Variants in IFT57 observed in about 807,000 individuals in gnomAD.
The protein encoded by IFT57 is intraflagellar transport 57.
In IFT57, 59 loss-of-function variants were observed where a neutral mutation model predicts 56.8. The observed-to-expected ratio is 1.04, with a 90% confidence interval of 0.84 to 1.29. IFT57 has a LOEUF of 1.29. Among genes scored for constraint, IFT57 ranks in the 50% most tolerant of loss-of-function variants. The pLI is 0.00. For missense variants in IFT57, 470 were observed against 522.1 expected, an observed-to-expected ratio of 0.90 and a Z score of 0.97; for synonymous variants, 209 against 186.1, an observed-to-expected ratio of 1.12 and a Z score of -1.00.
intron 6 of IFT57, among the ~76,000 whole-genome samples, chr3:108,191,076 C>T (rs552702256): frequency 6.6e-6 from 1 of 152,184 alleles, no homozygotes; most frequent in South Asian, 2.1e-4. Flanking sequence ...CAAACGTGAG[C>T]CATGGCGCCT....
chr3:108,165,798 G>A (rs2080059278), intron 8 of IFT57, among the ~76,000 whole-genome samples: 2 of 151,964 alleles, frequency 1.3e-5, no homozygotes, highest in Non-Finnish European at 2.9e-5. Context: ...TTTAGGAGAG[G>A]GGCTCTTGGT....
intron 6 of IFT57, among the ~76,000 whole-genome samples, chr3:108,173,268 CAA>C (rs199543839): frequency 1.3e-5 from 2 of 151,802 alleles, no homozygotes; most frequent in South Asian, 4.2e-4. Flanking sequence ...CACACACACA[CAA>C]AGACACTGTA....
intron 1 of IFT57, among the ~76,000 whole-genome samples, chr3:108,221,287 A>G (rs57823884): frequency 0.089 from 13,506 of 152,276 alleles, 662 homozygotes; most frequent in Middle Eastern, 0.12. Flanking sequence ...TAAAATATAC[A>G]AATGTAAGTA....
intron 6 of IFT57, among the ~76,000 whole-genome samples, chr3:108,168,645 A>C (rs2080075618): frequency 6.6e-6 from 1 of 151,566 alleles, no homozygotes; most frequent in African/African-American, 2.4e-5. Context: ...CTCCCTCCCC[A>C]TCCCCCATCC....
rs372213026 is a variant in IFT57 at position 108,186,257 on chromosome 3, C to T, written c.777+5264G>A. Among the ~76,000 whole-genome samples the T allele has an allele frequency of 1.0e-3, 153 of 148,426 alleles. 2 individuals carry two copies. The highest frequency in any genetic ancestry group is 3.6e-3 in the African/African-American group (145 of 40,116). On this transcript the variant is annotated intron_variant, in intron 6 of 10. Transcript: ENST00000264538. ...GAAGAAAACTGTGCCAGATGTTGTG[C>T]AGGACTTCACAGGATTTATGACAGA...
intron 4 of IFT57, among the ~76,000 whole-genome samples, chr3:108,213,154 T>C (rs532483528): frequency 1.3e-5 from 2 of 152,180 alleles, no homozygotes; most frequent in Non-Finnish European, 1.5e-5. Context: ...TAACTCTTTA[T>C]GTTATTGGTA....
chr3:108,216,292 C>T (rs966962910), intron 3 of IFT57, among the ~76,000 whole-genome samples: 1 of 152,120 alleles, frequency 6.6e-6, no homozygotes, highest in Non-Finnish European at 1.5e-5. Flanking sequence ...AAAAACTAGT[C>T]TAATTTTTAA....
chr3:108,210,418 C>T (rs113923673), intron 4 of IFT57, among the ~76,000 whole-genome samples: 2,982 of 150,450 alleles, frequency 0.02, 116 homozygotes, highest in African/African-American at 0.07. Context: ...ACTGCAACCT[C>T]CACCTCCCGG....
In IFT57 at chr3:108,162,983, G is replaced by A. The variant is rs75917895; in HGVS notation, c.1112-328C>T. On this transcript the variant is annotated intron_variant, in intron 10 of 10. Transcript: ENST00000264538. Reference sequence around the variant, plus strand: ...TCTGTAGGAAAAGGAAATACAAAAGGGGAAAAGGGGAAGAGAGAATTATCT... The same window carrying A: ...TCTGTAGGAAAAGGAAATACAAAAGAGGAAAAGGGGAAGAGAGAATTATCT... Among the ~76,000 whole-genome samples the A allele has an allele frequency of 3.3e-3, 508 of 152,112 alleles. 4 individuals carry two copies. Among genetic ancestry groups the A allele is most frequent in the African/African-American group, 0.012 (484 of 41,494 alleles).
At chr3:108,177,335 G>A (rs1030609621) in intron 6 of IFT57, among the ~76,000 whole-genome samples, 3 of 151,428 alleles carry the variant, frequency 2.0e-5, no homozygotes, top group African/African-American at 4.8e-5. Context: ...AGAAAAAAAC[G>A]GAGAGCAACT....
chr3:108,189,352 C>A (rs974968741), intron 6 of IFT57, among the ~76,000 whole-genome samples: 6 of 152,198 alleles, frequency 3.9e-5, no homozygotes, highest in Non-Finnish European at 5.9e-5. Flanking sequence ...CTCTAGGAAT[C>A]TAGCTTACTT....
chr3:108,204,262 C>G (rs559280271), intron 5 of IFT57, among the ~76,000 whole-genome samples: 31 of 152,314 alleles, frequency 2.0e-4, no homozygotes, highest in African/African-American at 7.5e-4. Flanking sequence ...CTGGTGTTCA[C>G]TCTTCTTCCT....
chr3:108,179,863 T>C lies in IFT57; in HGVS notation c.777+11658A>G, dbSNP rs911512320. Among the ~76,000 whole-genome samples, 38 of 149,614 alleles carry C rather than the reference T, an allele frequency of 2.5e-4. 1 individual carries two copies. The highest frequency in any genetic ancestry group is 3.3e-4 in the Non-Finnish European group (22 of 67,540). ...GGTACACTCTTGTGGTGTAAAAGCA[T>C]AATTTTTATTTTTATGCGTTAAAGA... On this transcript the variant is annotated intron_variant, in intron 6 of 10. Coordinates refer to ENST00000264538, the MANE Select transcript of IFT57 (RefSeq NM_018010.4).
At chr3:108,220,378 C>G (rs1034498) in intron 1 of IFT57, among the ~76,000 whole-genome samples, 118,668 of 152,158 alleles carry the variant, frequency 0.78, 47,279 homozygotes, top group Non-Finnish European at 0.86. Flanking sequence ...GTGTAGCTAT[C>G]ATTATTATGT....
rs540598921 is a variant in IFT57, at chr3:108,174,244, A to G, written c.778-6380T>C. On this transcript the variant is annotated intron_variant, in intron 6 of 10. Transcript: ENST00000264538. ...AAATATAAATGATTATAACTGTGGCATTTTAAAAACATGAATATAAAAAGG... is the reference window on the plus strand; with the variant it reads ...AAATATAAATGATTATAACTGTGGCGTTTTAAAAACATGAATATAAAAAGG... 2.6e-5 allele frequency among the ~76,000 whole-genome samples: 4 copies of G among 151,872 alleles called. No individual in the cohort carries two copies. The East Asian group carries it at 7.8e-4, about 29-fold the overall frequency.
At chr3:108,197,257 G>T (rs933893643) in intron 5 of IFT57, among the ~76,000 whole-genome samples, 1 of 152,098 alleles carries the variant, frequency 6.6e-6, no homozygotes, top group Non-Finnish European at 1.5e-5. Context: ...AAGAATTCAG[G>T]CACTGTGCTT....
intron 6 of IFT57, among the ~76,000 whole-genome samples, chr3:108,182,936 C>T (rs536231570): frequency 5.9e-5 from 9 of 152,066 alleles, no homozygotes; most frequent in African/African-American, 2.2e-4. Context: ...AGTCATTAAT[C>T]AAAATTCTAA....
chr3:108,177,954 G>A (rs1282130063), intron 6 of IFT57, among the ~76,000 whole-genome samples: 1 of 151,612 alleles, frequency 6.6e-6, no homozygotes, highest in African/African-American at 2.4e-5. Flanking sequence ...CAGGCCTACT[G>A]TTTAAAGTGA....
intron 4 of IFT57, among the ~76,000 whole-genome samples, chr3:108,210,092 T>A (rs2080335742): frequency 6.6e-6 from 1 of 152,186 alleles, no homozygotes; most frequent in Admixed American, 6.5e-5. Flanking sequence ...AGGATTCTAA[T>A]CTCAGTAATT....
Sources: allele counts gnomAD v4.1 joint callset (sites outside exome capture counted in the v4.1 genomes callset), GRCh38; gene constraint gnomAD v4.1.1; transcripts MANE v1.5; gene names NCBI Gene and HGNC (gene_info 2026-07-23, HGNC 2026-07-21).